The following SSPN variants were observed in gnomAD, a reference collection of about 807,000 sequenced individuals.
SSPN encodes sarcospan.
A neutral mutation model predicts 19.1 loss-of-function variants in SSPN; 15 were observed. That is an observed-to-expected ratio of 0.78 (90% CI 0.52 to 1.21). SSPN has a LOEUF of 1.21. Among genes scored for constraint, SSPN ranks in the 50% most tolerant of loss-of-function variants. SSPN has a pLI of 0.00. For missense variants in SSPN, 291 were observed against 314.0 expected (o/e 0.93, Z 0.55); for synonymous variants, 147 against 140.3 (o/e 1.05, Z -0.34).
chr12:26,174,486 T>TCCTA (rs1944671436), intron 1 of SSPN, among the ~76,000 whole-genome samples: 1 of 119,430 alleles, frequency 8.4e-6, no homozygotes, highest in Non-Finnish European at 1.7e-5. Flanking sequence ...CTTCCTTCCT[T>TCCTA]CCTTCCTTCC....
At chr12:26,206,806 G>A (rs1284865839) in intron 1 of SSPN, among the ~76,000 whole-genome samples, 3 of 152,194 alleles carry the variant, frequency 2.0e-5, no homozygotes, top group Non-Finnish European at 4.4e-5. Context: ...TACATTCTTT[G>A]GAAATTGATT....
At chr12:26,132,721 T>C (rs576715802) in intron 1 of SSPN, among the ~76,000 whole-genome samples, 1 of 152,330 alleles carries the variant, frequency 6.6e-6, no homozygotes, top group Admixed American at 6.5e-5. Context: ...TGGCTCCTGT[T>C]CGGCTCTCCA....
chr12:26,208,660 A>G (rs1178534361), intron 1 of SSPN, among the ~76,000 whole-genome samples: 3 of 152,018 alleles, frequency 2.0e-5, no homozygotes, highest in Non-Finnish European at 4.4e-5. Flanking sequence ...GGCCATAAAA[A>G]TATTTTTCTA....
intron 1 of SSPN, 127 bp downstream of exon 1, chr12:26,196,078 C>G: frequency 1.2e-6 from 1 of 812,256 alleles, no homozygotes; most frequent in South Asian, 2.3e-5. Flanking sequence ...TCGCGCTCTG[C>G]TCGGTGACTG....
intron 1 of SSPN, among the ~76,000 whole-genome samples, chr12:26,174,164 T>C (rs1439637432): frequency 6.6e-6 from 1 of 152,178 alleles, no homozygotes; most frequent in Non-Finnish European, 1.5e-5. Flanking sequence ...TTCTTTGCGG[T>C]AGCCATGAGA....
At chr12:26,122,100 T>C (rs1944311030) in exon 1 of SSPN, 2 of 1,549,416 alleles carry the variant, frequency 1.3e-6, no homozygotes, top group Admixed American at 2.0e-5. Context: ...CGAGGGATCT[T>C]CCTGAGCAGA....
At chr12:26,123,069 A>T (rs1331969449) in intron 1 of SSPN, 1 of 1,593,120 alleles carries the variant, frequency 6.3e-7, no homozygotes, top group East Asian at 2.3e-5. Context: ...CCAGCTCTCA[A>T]ACCGGGAGAG....
At chr12:26,195,444 C>A (rs553873406), upstream of SSPN, 140 of 720,936 alleles carry the variant, frequency 1.9e-4, no homozygotes, top group South Asian at 2.2e-3. Flanking sequence ...CGGGGCCCGG[C>A]AGGCGCTGCG....
chr12:26,124,064 C>T (rs779909577), intron 1 of SSPN: 120 of 1,557,600 alleles, frequency 7.7e-5, no homozygotes, highest in Non-Finnish European at 1.0e-4. Context: ...TGAAAATGTG[C>T]ATCTTACTGT....
intron 1 of SSPN, among the ~76,000 whole-genome samples, chr12:26,167,724 C>A (rs1386883790): frequency 1.3e-5 from 2 of 152,168 alleles, no homozygotes; most frequent in African/African-American, 4.8e-5. Context: ...TAACTCATAC[C>A]TGAGCAAGGT....
rs1175519016 is a variant in SSPN, at chr12:26,225,183, A to AT, written c.366+811dup. The stretch of plus-strand genomic sequence containing the variant: ...CTACAAGAAAACATATAAAAACTGG[A>AT]TTTTTTTGTTCACTACAATGAGAAA... On this transcript the variant is annotated intron_variant, in intron 2 of 2. Transcript: ENST00000242729. Among the ~76,000 whole-genome samples, 6 of 152,000 alleles carry AT rather than the reference A, an allele frequency of 3.9e-5. No individual in the cohort carries two copies. In the East Asian group the frequency reaches 9.6e-4, roughly 24 times the overall value.
At chr12:26,220,848 AT>A (rs1945112695) in intron 1 of SSPN, among the ~76,000 whole-genome samples, 1 of 151,930 alleles carries the variant, frequency 6.6e-6, no homozygotes, top group South Asian at 2.1e-4. Flanking sequence ...AAGCCTATGG[AT>A]TCAGCTTTTT....
At chr12:26,146,818 T>TTAAAAAAAAAAA (rs1555176201) in intron 1 of SSPN, among the ~76,000 whole-genome samples, 1 of 105,178 alleles carries the variant, frequency 9.5e-6, no homozygotes, top group East Asian at 3.0e-4. Context: ...CAAGGCTGTC[T>TTAAAAAAAAAAA]AAAAAAAAAA....
At chr12:26,125,082 C>G in intron 1 of SSPN, 1 of 418,906 alleles carries the variant, frequency 2.4e-6, no homozygotes, top group Non-Finnish European at 4.5e-6. Context: ...ACCCAGCTCA[C>G]GTGCGGAACG....
chr12:26,122,507 G>C, intron 1 of SSPN: 3 of 1,307,816 alleles, frequency 2.3e-6, no homozygotes, highest in Non-Finnish European at 2.9e-6. Context: ...GCTGCGGGAA[G>C]GGCGCGCCTC....
intron 1 of SSPN, chr12:26,122,934 G>A: frequency 1.3e-6 from 2 of 1,551,994 alleles, no homozygotes; most frequent in South Asian, 1.2e-5. Flanking sequence ...CCCGGCGGCC[G>A]AGGGAGCGCC....
chr12:26,132,876 G>A (rs1482605950), intron 1 of SSPN, among the ~76,000 whole-genome samples: 1 of 152,210 alleles, frequency 6.6e-6, no homozygotes, highest in Admixed American at 6.5e-5. Context: ...ATCTTCTGTA[G>A]TGTCTGTTAG....
chr12:26,228,102 T>A (rs1321543858), intron 2 of SSPN, among the ~76,000 whole-genome samples: 1 of 152,118 alleles, frequency 6.6e-6, no homozygotes, highest in Non-Finnish European at 1.5e-5. Context: ...TACAGAAAAT[T>A]GCTATCTAAG....
intron 1 of SSPN, among the ~76,000 whole-genome samples, chr12:26,186,819 G>A (rs892857753): frequency 6.6e-6 from 1 of 152,160 alleles, no homozygotes; most frequent in Non-Finnish European, 1.5e-5. Context: ...TGTCAGCTAT[G>A]GTGATGCAGT....
Sources: gnomAD v4.1 joint callset for allele counts (sites outside exome capture counted in the v4.1 genomes callset) on GRCh38, gnomAD v4.1.1 for gene constraint, MANE v1.5 for transcripts, NCBI Gene and HGNC (gene_info 2026-07-23, HGNC 2026-07-21) for gene names.